TF: variants seen among roughly 807,000 people sequenced by gnomAD.
The protein encoded by TF is serotransferrin.
TF carries 55 observed loss-of-function variants against 82.4 expected under a neutral mutation model. That is an observed-to-expected ratio of 0.67 (90% confidence interval 0.54 to 0.84). The LOEUF is 0.84. Among genes scored for constraint, TF ranks in the 40% least tolerant of loss-of-function variants. The probability of loss-of-function intolerance (pLI) is 0.00; values close to 1 mark genes in which losing one functional copy is unlikely to be tolerated. For synonymous variants in TF, 332 were observed against 332.6 expected, an observed-to-expected ratio of 1.00 and a Z score of 0.02; for missense variants, 737 against 868.4, an observed-to-expected ratio of 0.85 and a Z score of 1.90.
At chr3:133,759,057 G>T in intron 8 of TF, 118 bp from the exon 9 acceptor site, 1 of 1,265,992 alleles carries the variant, frequency 7.9e-7, no homozygotes, top group Non-Finnish European at 1.1e-6. Context: ...CTTGAATGGG[G>T]TCTGTTTGTT....
upstream of TF, among the ~76,000 whole-genome samples, chr3:133,741,717 T>G (rs1402271336): frequency 6.6e-6 from 1 of 152,234 alleles, no homozygotes; most frequent in African/African-American, 2.4e-5. Flanking sequence ...ATATGATATA[T>G]TACAGTGATT....
At chr3:133,694,886 A>ATTTATTTAT in the TF span, among the ~76,000 whole-genome samples, 607 of 116,004 alleles carry the variant, frequency 5.2e-3, 6 homozygotes, top group African/African-American at 0.012. Flanking sequence ...TTATTTATTT[A>ATTTATTTAT]TTATTATTAT....
chr3:133,766,486 T>G, intron 12 of TF, 53 bp downstream of exon 12: 6 of 1,610,982 alleles, frequency 3.7e-6, no homozygotes, highest in Non-Finnish European at 5.1e-6. Context: ...GAAAGCAGGG[T>G]CCTGCCTTAG....
intron 7 of TF, 90 bp from the exon 8 acceptor site, chr3:133,757,679 T>G (rs1170824419): frequency 7.6e-7 from 1 of 1,315,630 alleles, no homozygotes; most frequent in African/African-American, 1.5e-5. Flanking sequence ...TTCATGTTGT[T>G]TCCTGCAGAG....
rs1379920570 is a variant in TF at position 133,783,732 on chromosome 3, C to T, written c.*5112C>T. The T allele has an allele frequency of 6.6e-6, 1 of 152,282 alleles. No homozygotes were observed. Among genetic ancestry groups the T allele is most frequent in the Admixed American group, 6.5e-5 (1 of 15,294 alleles). 9.4% of individuals were successfully genotyped at this position (152,282 alleles called of 1,614,324 possible). A position where few individuals can be genotyped will look rare whatever the true frequency, so the allele number is the denominator to read the frequency against. On this transcript the variant is annotated 3_prime_UTR_variant, in exon 17 of 17. Coordinates refer to ENST00000402696, the MANE Select transcript of TF (RefSeq NM_001063.4). ...TGAGATGTGAGCGCGGACAGCTCTG[C>T]TGGGCCCTCCAGGCCCTCCGCCCGG...
At chr3:133,668,818 C>G in the TF span, among the ~76,000 whole-genome samples, 1 of 152,090 alleles carries the variant, frequency 6.6e-6, no homozygotes, top group Non-Finnish European at 1.5e-5. Flanking sequence ...GAAAAAAACC[C>G]CTTAAATGAT....
chr3:133,754,762 A>G, intron 4 of TF, 91 bp downstream of exon 4: 2 of 1,397,246 alleles, frequency 1.4e-6, no homozygotes, highest in Non-Finnish European at 2.0e-6. Context: ...ATCAGCAGAC[A>G]TGTGGGATGA....
Position 133,787,453 on chromosome 3 carries a change from T to C in TF, c.*8833T>C, listed in dbSNP as rs2107947910. The C allele has an allele frequency of 6.6e-6, 1 of 152,358 alleles. No homozygotes were observed. The highest frequency in any genetic ancestry group is 6.5e-5 in the Admixed American group (1 of 15,312). The allele number at this position is 152,358 out of a possible 1,614,324, so 9.4% of individuals were successfully genotyped here. A position where few individuals can be genotyped will look rare whatever the true frequency, so the allele number is the denominator to read the frequency against. Reference sequence around the variant, plus strand: ...CCACTGATACATGTGCAATTTTATTTTACAGTGCTATGTACACAGTGGAAA... The same window carrying C: ...CCACTGATACATGTGCAATTTTATTCTACAGTGCTATGTACACAGTGGAAA... On this transcript the variant is annotated 3_prime_UTR_variant, in exon 17 of 17. Transcript: ENST00000402696.
chr3:133,693,485 C>T, the TF span, among the ~76,000 whole-genome samples: 7 of 152,208 alleles, frequency 4.6e-5, no homozygotes, highest in African/African-American at 1.7e-4. Flanking sequence ...CGGCCAACCT[C>T]TGCAGTGTTG....
At chr3:133,739,757 G>T in the TF span, among the ~76,000 whole-genome samples, 1 of 152,216 alleles carries the variant, frequency 6.6e-6, no homozygotes, top group African/African-American at 2.4e-5. Context: ...GGTCATTAGA[G>T]AAATGCAAAT....
intron 7 of TF, among the ~76,000 whole-genome samples, chr3:133,757,377 G>A (rs1410322595): frequency 6.6e-6 from 1 of 152,226 alleles, no homozygotes; most frequent in Non-Finnish European, 1.5e-5. Flanking sequence ...CCGGCTGTGA[G>A]GGGGCTGCCT....
At chr3:133,746,593 G>C (rs1196329029) in intron 1 of TF, 110 bp downstream of exon 1, 12 of 1,266,534 alleles carry the variant, frequency 9.5e-6, no homozygotes, top group Non-Finnish European at 1.1e-5. Flanking sequence ...CTGGAAGCCT[G>C]GGTGTCTGGG....
chr3:133,709,941 C>G, the TF span: 1 of 152,252 alleles, frequency 6.6e-6, no homozygotes, highest in Non-Finnish European at 1.5e-5. Flanking sequence ...GGGAACAAGC[C>G]TGGGTTCGCA....
chr3:133,683,615 A>G, the TF span, among the ~76,000 whole-genome samples: 1 of 152,250 alleles, frequency 6.6e-6, no homozygotes, highest in African/African-American at 2.4e-5. Context: ...AGGCCGTTAC[A>G]TAATGGTAAA....
intron 2 of TF, among the ~76,000 whole-genome samples, chr3:133,751,343 C>T (rs1235970333): frequency 1.3e-5 from 2 of 150,658 alleles, no homozygotes; most frequent in African/African-American, 4.9e-5. Flanking sequence ...CGCCATTCTC[C>T]TGCCTCAGCC....
At chr3:133,750,016 G>A (rs758288854) in intron 2 of TF, among the ~76,000 whole-genome samples, 1 of 152,322 alleles carries the variant, frequency 6.6e-6, no homozygotes, top group African/African-American at 2.4e-5. Context: ...CAGAGACTGC[G>A]AGACAGACAC....
At chr3:133,665,308 A>C in the TF span, among the ~76,000 whole-genome samples, 33 of 152,060 alleles carry the variant, frequency 2.2e-4, 1 homozygote, top group African/African-American at 6.0e-4. Flanking sequence ...CTCTACAAAA[A>C]ATACAAAAAT....
the TF span, among the ~76,000 whole-genome samples, chr3:133,702,334 G>C: frequency 4.7e-4 from 71 of 151,824 alleles, no homozygotes; most frequent in Non-Finnish European, 6.5e-4. Context: ...GGAGTGTCTT[G>C]CCTAGGAGTC....
the TF span, among the ~76,000 whole-genome samples, chr3:133,696,071 A>C: frequency 2.0e-5 from 3 of 152,202 alleles, no homozygotes; most frequent in Non-Finnish European, 2.9e-5. Flanking sequence ...GTATAAGAAG[A>C]TATTTTGAGA....
Sources: allele counts gnomAD v4.1 joint callset (sites outside exome capture counted in the v4.1 genomes callset), GRCh38; gene constraint gnomAD v4.1.1; transcripts MANE v1.5; gene names NCBI Gene and HGNC (gene_info 2026-07-23, HGNC 2026-07-21).